The following FRMD4A variants were observed in gnomAD, a reference collection of about 807,000 sequenced individuals.
FRMD4A encodes the protein FERM domain-containing protein 4A.
A neutral mutation model predicts 129.1 loss-of-function variants in FRMD4A; 29 were observed. That is an observed-to-expected ratio of 0.22 (90% CI 0.17 to 0.31). FRMD4A has a LOEUF of 0.31. Ranked by LOEUF, FRMD4A falls within the 10% of genes least tolerant of loss-of-function variation. The pLI, the probability that FRMD4A is intolerant of heterozygous loss-of-function variation, is 1.00. For synonymous variants in FRMD4A, 634 were observed against 571.6 expected (o/e 1.11, Z -1.56); for missense variants, 1,272 against 1,375.8 (o/e 0.92, Z 1.19).
intron 14 of FRMD4A, among the ~76,000 whole-genome samples, chr10:13,699,234 T>G (rs2086559941): frequency 7.6e-6 from 1 of 130,780 alleles, no homozygotes; most frequent in Admixed American, 7.6e-5. Flanking sequence ...GTTTTTTTTT[T>G]TTTTTTTTTT....
chr10:14,176,123 A>G (rs1246237473), intron 2 of FRMD4A, among the ~76,000 whole-genome samples: 4 of 152,196 alleles, frequency 2.6e-5, no homozygotes, highest in Non-Finnish European at 5.9e-5. Context: ...AATAGTTGTA[A>G]GGCACCTAGT....
intron 2 of FRMD4A, among the ~76,000 whole-genome samples, chr10:14,217,265 A>C (rs566809506): frequency 2.2e-4 from 33 of 152,220 alleles, no homozygotes; most frequent in Non-Finnish European, 4.7e-4. Context: ...TGGTTTGGCC[A>C]TGTCCCCACC....
intron 2 of FRMD4A, among the ~76,000 whole-genome samples, chr10:14,019,521 A>G (rs894747258): frequency 2.6e-5 from 4 of 152,228 alleles, no homozygotes; most frequent in Admixed American, 1.3e-4. Context: ...GAAGAGACAC[A>G]TGTGTTTATA....
rs546168145 is a variant in FRMD4A, at chr10:14,028,584, C to T, written c.46-169672G>A. On this transcript the variant is annotated intron_variant, in intron 2 of 24. Transcript: ENST00000357447. ...AATCCAGATATTAAAAACATTTTGT[C>T]CAAATTTAATTCATAAGGAAAGGGA... 1.3e-4 allele frequency among the ~76,000 whole-genome samples: 20 copies of T among 152,036 alleles called. No homozygotes were observed. In the South Asian group the frequency reaches 3.7e-3, roughly 28 times the overall value.
intron 2 of FRMD4A, among the ~76,000 whole-genome samples, chr10:14,176,352 T>C (rs959364783): frequency 6.6e-6 from 1 of 152,190 alleles, no homozygotes. Context: ...CCATTTCCAG[T>C]TTAGTGCCAG....
intron 2 of FRMD4A, among the ~76,000 whole-genome samples, chr10:14,158,214 G>A (rs1432509512): frequency 6.6e-6 from 1 of 152,214 alleles, no homozygotes; most frequent in Non-Finnish European, 1.5e-5. Flanking sequence ...TTAGATTTGT[G>A]TTTCAGAGTA....
Position 13,657,226 on chromosome 10 carries a change from C to T in FRMD4A, c.2363G>A (p.Arg788Gln), listed in dbSNP as rs965563897. The T allele has an allele frequency of 4.2e-5, 66 of 1,568,034 alleles. No homozygotes were observed. The highest frequency in any genetic ancestry group is 5.5e-5 in the Non-Finnish European group (64 of 1,162,858). Reference sequence around the variant, plus strand: ...GGCTGAGCCCAGTGCGCCCGCCGCCCGCTGCCGCTGCCTCTGCCTCTGGCG... The same window carrying T: ...GGCTGAGCCCAGTGCGCCCGCCGCCTGCTGCCGCTGCCTCTGCCTCTGGCG... ...KARQRQRQRQ[R>Q]AAGALGSASS... The change falls in exon 22 of 25, where the codon CGG (arginine) becomes CAG (glutamine). Residue 788 changes from arginine to glutamine, a missense_variant. Physicochemically the swap from Arg to Gln is conservative, Grantham distance 43. Coordinates refer to ENST00000357447, the MANE Select transcript of FRMD4A (RefSeq NM_018027.5).
At chr10:13,747,911 C>T (rs868095608) in intron 8 of FRMD4A, 92 bp from the exon 9 acceptor site, 49 of 751,778 alleles carry the variant, frequency 6.5e-5, no homozygotes, top group Non-Finnish European at 1.0e-4. Flanking sequence ...GTCTGAGAGA[C>T]CCCACATCTG....
At chr10:14,012,506 AAT>A (rs1255943318) in intron 2 of FRMD4A, among the ~76,000 whole-genome samples, 3 of 151,818 alleles carry the variant, frequency 2.0e-5, no homozygotes, top group Non-Finnish European at 4.4e-5. Flanking sequence ...GGGTGGCGGG[AAT>A]GGGGGGAATG....
At chr10:13,803,324 T>C (rs1175592077) in intron 4 of FRMD4A, among the ~76,000 whole-genome samples, 1 of 152,118 alleles carries the variant, frequency 6.6e-6, no homozygotes, top group Non-Finnish European at 1.5e-5. Flanking sequence ...TTCCAAATTT[T>C]CTTTTTAAAA....
At chr10:14,247,155 C>T (rs1474519953) in intron 2 of FRMD4A, among the ~76,000 whole-genome samples, 1 of 152,168 alleles carries the variant, frequency 6.6e-6, no homozygotes, top group Non-Finnish European at 1.5e-5. Context: ...CCGATCCCCG[C>T]TGGCCACACA....
chr10:13,804,714 C>CTTTTT (rs35111872), intron 4 of FRMD4A, among the ~76,000 whole-genome samples: 7 of 127,740 alleles, frequency 5.5e-5, no homozygotes, highest in Non-Finnish European at 8.1e-5. Context: ...CCAGCTAATT[C>CTTTTT]TTTTTTTTTT....
At chr10:13,928,987 T>C (rs894919375) in intron 2 of FRMD4A, among the ~76,000 whole-genome samples, 1 of 152,224 alleles carries the variant, frequency 6.6e-6, no homozygotes, top group Non-Finnish European at 1.5e-5. Context: ...TGGTGGCATA[T>C]TAGAAATTGA....
chr10:13,730,906 T>C (rs550328119), intron 12 of FRMD4A, among the ~76,000 whole-genome samples: 2 of 148,382 alleles, frequency 1.3e-5, no homozygotes, highest in African/African-American at 5.0e-5. Flanking sequence ...CACACGCCTA[T>C]AGTCCCAGCT....
At chr10:13,978,672 AG>A (rs1008374083) in intron 2 of FRMD4A, among the ~76,000 whole-genome samples, 1 of 152,176 alleles carries the variant, frequency 6.6e-6, no homozygotes, top group African/African-American at 2.4e-5. Flanking sequence ...GCTCCAACCA[AG>A]AGTCATCATG....
chr10:14,193,031 T>C (rs796783030), intron 2 of FRMD4A, among the ~76,000 whole-genome samples: 3 of 152,342 alleles, frequency 2.0e-5, no homozygotes, highest in Non-Finnish European at 2.9e-5. Flanking sequence ...GTTATCCTTG[T>C]CAATATCTAG....
intron 2 of FRMD4A, among the ~76,000 whole-genome samples, chr10:14,253,463 C>CT (rs913546812): frequency 3.3e-5 from 5 of 152,072 alleles, no homozygotes; most frequent in Non-Finnish European, 4.4e-5. Context: ...GGGAAACCAA[C>CT]TTTTTTTTGA....
At chr10:13,665,284 A>AC (rs1293952092) in intron 18 of FRMD4A, among the ~76,000 whole-genome samples, 18 of 152,054 alleles carry the variant, frequency 1.2e-4, no homozygotes, top group Middle Eastern at 3.4e-3. Context: ...ATGTTTCCAG[A>AC]CTGAAACTCG....
intron 2 of FRMD4A, among the ~76,000 whole-genome samples, chr10:14,076,484 C>G (rs760148114): frequency 6.6e-6 from 1 of 151,940 alleles, no homozygotes; most frequent in African/African-American, 2.4e-5. Flanking sequence ...ACTAAAAATA[C>G]AAAAAATTAG....
Sources: gnomAD v4.1 joint callset for allele counts (sites outside exome capture counted in the v4.1 genomes callset) on GRCh38, gnomAD v4.1.1 for gene constraint, MANE v1.5 for transcripts, NCBI Gene and HGNC (gene_info 2026-07-23, HGNC 2026-07-21) for gene names.